EEF1AKMT1: variants seen among roughly 807,000 people sequenced by gnomAD.
The protein encoded by EEF1AKMT1 is N-6 adenine-specific DNA methyltransferase 2 (putative).
Under a neutral mutation model 21.0 loss-of-function variants are expected in EEF1AKMT1, and 18 were observed. That is an observed-to-expected ratio of 0.86 (90% CI 0.59 to 1.27). The LOEUF (loss-of-function observed/expected upper bound fraction) is 1.27, where lower values mean the gene tolerates loss of function less well. EEF1AKMT1 is among the 50% of genes most tolerant of loss of function. The pLI is 0.00. For missense variants in EEF1AKMT1, 246 were observed against 258.6 expected, an observed-to-expected ratio of 0.95 and a Z score of 0.33; for synonymous variants, 109 against 94.8, an observed-to-expected ratio of 1.15 and a Z score of -0.87.
chr13:20,772,268 C>A (rs773294962), intron 1 of EEF1AKMT1, among the ~76,000 whole-genome samples: 33 of 152,066 alleles, frequency 2.2e-4, no homozygotes, highest in Non-Finnish European at 4.4e-4. Flanking sequence ...AAACTTGTAC[C>A]TATGGATTAT....
At chr13:20,731,566 G>T (rs2058795939) in intron 4 of EEF1AKMT1, among the ~76,000 whole-genome samples, 2 of 152,188 alleles carry the variant, frequency 1.3e-5, no homozygotes, top group South Asian at 4.1e-4. Context: ...CGATAGTATT[G>T]ATGATGGTAT....
intron 3 of EEF1AKMT1, among the ~76,000 whole-genome samples, chr13:20,735,358 G>A (rs1053661455): frequency 6.6e-6 from 1 of 152,164 alleles, no homozygotes; most frequent in Non-Finnish European, 1.5e-5. Flanking sequence ...GAAAACTGGA[G>A]GAGTGTTGTC....
intron 2 of EEF1AKMT1, among the ~76,000 whole-genome samples, chr13:20,746,244 C>T (rs2058903624): frequency 6.6e-6 from 1 of 152,116 alleles, no homozygotes; most frequent in South Asian, 2.1e-4. Context: ...CCTCCACTTC[C>T]CAGGTTCAAG....
chr13:20,729,118 A>C lies in EEF1AKMT1; in HGVS notation c.607T>G (p.Tyr203Asp). ...TCCAGCCCAGAATCATAATTCACAT[A>C]ACAGCGAAACTCATTTGCCAAGTTC... ...TRNLANEFRC[Y>D]VNYDSGLDCG... Residue 203 changes from tyrosine (Y) to aspartate (D), a missense_variant, in exon 5 of 5, where the codon TAT becomes GAT. Transcript: ENST00000382758. 6.2e-7 allele frequency: 1 copy of C among 1,614,186 alleles called. No individual in the cohort carries two copies. Among genetic ancestry groups the C allele is most frequent in the Middle Eastern group, 1.6e-4 (1 of 6,062 alleles).
chr13:20,736,791 G>T (rs368739034), intron 3 of EEF1AKMT1, among the ~76,000 whole-genome samples: 5 of 129,134 alleles, frequency 3.9e-5, no homozygotes, highest in African/African-American at 3.0e-5. Flanking sequence ...AGGCTGGAGT[G>T]CAGTGGTGTG....
intron 2 of EEF1AKMT1, among the ~76,000 whole-genome samples, chr13:20,752,526 G>A (rs1051316528): frequency 1.3e-5 from 2 of 151,816 alleles, no homozygotes; most frequent in African/African-American, 4.8e-5. Flanking sequence ...TTTTTTTGAT[G>A]TACTATTGGG....
At chr13:20,762,700 G>A (rs2059006974) in intron 1 of EEF1AKMT1, among the ~76,000 whole-genome samples, 1 of 151,994 alleles carries the variant, frequency 6.6e-6, no homozygotes, top group Admixed American at 6.6e-5. Context: ...TTTTTGTAGA[G>A]ATGGGGTCCC....
chr13:20,767,113 T>G (rs576395034), intron 1 of EEF1AKMT1, among the ~76,000 whole-genome samples: 6 of 151,910 alleles, frequency 3.9e-5, no homozygotes, highest in Non-Finnish European at 8.8e-5. Context: ...GAGACCATCC[T>G]GGCTAACACG....
intron 1 of EEF1AKMT1, among the ~76,000 whole-genome samples, chr13:20,771,878 G>A (rs1204991245): frequency 6.6e-6 from 1 of 152,086 alleles, no homozygotes; most frequent in African/African-American, 2.4e-5. Context: ...AGGTGTGGTG[G>A]CAGGCACCTA....
intron 3 of EEF1AKMT1, among the ~76,000 whole-genome samples, chr13:20,737,473 C>G (rs561763883): frequency 1.6e-4 from 25 of 152,238 alleles, no homozygotes; most frequent in Non-Finnish European, 3.2e-4. Flanking sequence ...GAACTGAGCT[C>G]TATAACTATA....
chr13:20,758,575 C>T (rs1005715538), intron 1 of EEF1AKMT1, among the ~76,000 whole-genome samples: 8 of 151,776 alleles, frequency 5.3e-5, no homozygotes, highest in African/African-American at 1.2e-4. Flanking sequence ...AACAGATGGT[C>T]GACATAAGAG....
chr13:20,731,698 G>T (rs1595009971), intron 4 of EEF1AKMT1, 143 bp downstream of exon 4: 1 of 839,130 alleles, frequency 1.2e-6, no homozygotes, highest in East Asian at 2.5e-5. Flanking sequence ...CTAGTTTACA[G>T]ATAAGGAATC....
chr13:20,729,047 G>C lies in EEF1AKMT1; in HGVS notation c.*33C>G. On this transcript the variant is annotated 3_prime_UTR_variant, in exon 5 of 5. Transcript: ENST00000382758. Reference sequence around the variant, plus strand: ...AAAATACAAAAAGAGGAATGTGACAGGGTTCCTTCCTGTGTTATGTCACCG... The same window carrying C: ...AAAATACAAAAAGAGGAATGTGACACGGTTCCTTCCTGTGTTATGTCACCG... The C allele has an allele frequency of 1.2e-6, 2 of 1,612,428 alleles. No homozygotes were observed. The highest frequency in any genetic ancestry group is 1.1e-5 in the South Asian group (1 of 90,972).
At chr13:20,751,958 G>T (rs1356078825) in intron 2 of EEF1AKMT1, among the ~76,000 whole-genome samples, 1 of 152,000 alleles carries the variant, frequency 6.6e-6, no homozygotes, top group African/African-American at 2.4e-5. Context: ...TTCATTACTG[G>T]TGTATGGAAA....
chr13:20,745,115 G>A (rs567817627), intron 2 of EEF1AKMT1, among the ~76,000 whole-genome samples: 2 of 152,212 alleles, frequency 1.3e-5, no homozygotes, highest in East Asian at 3.9e-4. Context: ...GTCAGGTAGT[G>A]GATGCCTCCA....
In EEF1AKMT1 at chr13:20,764,396, T is replaced by A. The variant is rs565138833; in HGVS notation, c.-19-6779A>T. Among the ~76,000 whole-genome samples, 10 of 152,356 alleles carry A rather than the reference T, an allele frequency of 6.6e-5. No homozygotes were observed. In the South Asian group the frequency reaches 2.1e-3, roughly 32 times the overall value. On this transcript the variant is annotated intron_variant, in intron 1 of 4. Coordinates refer to ENST00000382758, the MANE Select transcript of EEF1AKMT1 (RefSeq NM_001318939.2). ...GTATAATTTCAACACTTTTTAAAAA[T>A]GCTGAAGTTTGTGTAATAGCTATGG...
chr13:20,737,458 C>T (rs2058832656), intron 3 of EEF1AKMT1, among the ~76,000 whole-genome samples: 1 of 152,144 alleles, frequency 6.6e-6, no homozygotes, highest in African/African-American at 2.4e-5. Context: ...AAGATATTCT[C>T]TTTTGAACTG....
In EEF1AKMT1 at chr13:20,737,789, C is replaced by T. The variant is rs1487696053; in HGVS notation, c.161G>A (p.Trp54Ter). 6.2e-7 allele frequency: 1 copy of T among 1,612,362 alleles called. No homozygotes were observed. Among genetic ancestry groups the T allele is most frequent in the Non-Finnish European group, 8.5e-7 (1 of 1,179,218 alleles). Residue 54 changes from tryptophan (W) to a stop codon, truncating the protein, a stop_gained, in exon 3 of 5, where the codon TGG becomes TAG. Transcript: ENST00000382758. LOFTEE classifies it high-confidence loss of function. ...IEENWQLSQFWYSQETALQLA... is the reference protein window; with the variant it reads ...IEENWQLSQF The stretch of plus-strand genomic sequence containing the variant: ...CTGCAGAGCAGTTTCCTGACTATAC[C>T]AAAACTGGCTCAGTTGCTGTAACCG...
In EEF1AKMT1 at chr13:20,758,861, A is replaced by G. The variant is rs993164245; in HGVS notation, c.-19-1244T>C. Among the ~76,000 whole-genome samples the G allele has an allele frequency of 2.6e-5, 4 of 152,188 alleles. No individual in the cohort carries two copies. In the South Asian group the frequency reaches 8.3e-4, roughly 31 times the overall value. ...GAATACAATAGAGAACCCAGAAATA[A>G]AGCCACACACGTACAATCAACTGGT... is the stretch of plus-strand genomic sequence containing the variant. On this transcript the variant is annotated intron_variant, in intron 1 of 4. Transcript: ENST00000382758.
Sources: gnomAD v4.1 joint callset for allele counts (sites outside exome capture counted in the v4.1 genomes callset) on GRCh38, gnomAD v4.1.1 for gene constraint, MANE v1.5 for transcripts, NCBI Gene and HGNC (gene_info 2026-07-23, HGNC 2026-07-21) for gene names.